PRPH2: variants seen among roughly 807,000 people sequenced by gnomAD.
PRPH2 encodes peripherin 2.
Under a neutral mutation model 31.3 loss-of-function variants are expected in PRPH2, and 17 were observed. The observed-to-expected ratio is 0.54, with a 90% confidence interval of 0.37 to 0.81. The LOEUF (loss-of-function observed/expected upper bound fraction) is 0.81, where lower values mean the gene tolerates loss of function less well. Among genes scored for constraint, PRPH2 ranks in the 40% least tolerant of loss-of-function variants. The pLI is 0.00. For synonymous variants in PRPH2, 165 were observed against 184.4 expected, an observed-to-expected ratio of 0.89 and a Z score of 0.85; for missense variants, 430 against 439.7, an observed-to-expected ratio of 0.98 and a Z score of 0.20.
intron 1 of PRPH2, among the ~76,000 whole-genome samples, chr6:42,717,093 C>T (rs909085023): frequency 3.4e-5 from 5 of 146,662 alleles, no homozygotes; most frequent in Non-Finnish European, 7.5e-5. Context: ...AAGCATGAGC[C>T]CGCACCTGGC....
chr6:42,700,289 G>A (rs572202759), intron 2 of PRPH2, among the ~76,000 whole-genome samples: 14 of 152,210 alleles, frequency 9.2e-5, no homozygotes, highest in South Asian at 2.1e-4. Flanking sequence ...AATATATTCC[G>A]TATATTCCGT....
chr6:42,702,620 T>C (rs1800067391), intron 2 of PRPH2, among the ~76,000 whole-genome samples: 1 of 151,990 alleles, frequency 6.6e-6, no homozygotes, highest in African/African-American at 2.4e-5. Flanking sequence ...TCCCAGCACT[T>C]TGGGAGGCCG....
At chr6:42,717,693 T>C (rs566820481) in intron 1 of PRPH2, among the ~76,000 whole-genome samples, 2 of 152,122 alleles carry the variant, frequency 1.3e-5, no homozygotes, top group East Asian at 3.9e-4. Context: ...TCCTTGGAGG[T>C]GGGAGTAAAT....
intron 1 of PRPH2, among the ~76,000 whole-genome samples, chr6:42,708,174 A>T (rs1800204894): frequency 6.6e-6 from 1 of 152,184 alleles, no homozygotes; most frequent in Non-Finnish European, 1.5e-5. Context: ...GCCATATCAT[A>T]TCATGGGAGA....
chr6:42,710,210 G>T (rs1422200367), intron 1 of PRPH2, among the ~76,000 whole-genome samples: 2 of 151,786 alleles, frequency 1.3e-5, no homozygotes, highest in Non-Finnish European at 2.9e-5. Flanking sequence ...TCAGACTGGG[G>T]TTCCCTGAGG....
rs61755795 is a variant in PRPH2, at chr6:42,721,802, T to G, written c.533A>C (p.Gln178Pro). The change falls in exon 1 of 3, where the codon CAG becomes CCG. Residue 178 changes from glutamine to proline, a missense_variant. Coordinates refer to ENST00000230381, the MANE Select transcript of PRPH2 (RefSeq NM_000322.5). ...GTCCAGGTAGCGATTGCTGATCCACTGAATCTCAAACCAGTCCCGAAAACC... is the reference window on the plus strand; with the variant it reads ...GTCCAGGTAGCGATTGCTGATCCACGGAATCTCAAACCAGTCCCGAAAACC... ...NNGFRDWFEIQWISNRYLDFS... is the reference protein window; with the variant it reads ...NNGFRDWFEIPWISNRYLDFS... The G allele has an allele frequency of 6.2e-7, 1 of 1,614,196 alleles. No homozygotes were observed. Among genetic ancestry groups the G allele is most frequent in the African/African-American group, 1.3e-5 (1 of 75,040 alleles).
chr6:42,716,521 A>C (rs1342798122), intron 1 of PRPH2, among the ~76,000 whole-genome samples: 1 of 149,924 alleles, frequency 6.7e-6, no homozygotes, highest in Non-Finnish European at 1.5e-5. Flanking sequence ...GGCTCAACGG[A>C]TTCTCCCACC....
rs903826110 is a variant in PRPH2, at chr6:42,698,335, G to A, written c.1001C>T (p.Ala334Val). 1.9e-6 allele frequency: 3 copies of A among 1,613,784 alleles called. No individual in the cohort carries two copies. The African/African-American group carries it at 4.0e-5, about 22-fold the overall frequency. ...KKLGKGNQVE[A>V]EGADAGQAPE... ...GGCCTGGCCTGCGTCTGCGCCCTCGGCTTCCACCTGGTTGCCCTTGCCCAG... is the reference window on the plus strand; with the variant it reads ...GGCCTGGCCTGCGTCTGCGCCCTCGACTTCCACCTGGTTGCCCTTGCCCAG... Residue 334 changes from alanine (A) to valine (V), a missense_variant, in exon 3 of 3, where the codon GCC (alanine) becomes GTC (valine). Transcript: ENST00000230381.
At chr6:42,714,189 G>A (rs541160592) in intron 1 of PRPH2, among the ~76,000 whole-genome samples, 6 of 152,226 alleles carry the variant, frequency 3.9e-5, no homozygotes, top group East Asian at 3.9e-4. Context: ...TCTGATATAC[G>A]CTACAACATG....
Position 42,722,154 on chromosome 6 carries a change from G to A in PRPH2, c.181C>T (p.Pro61Ser). 6.2e-7 allele frequency: 1 copy of A among 1,614,134 alleles called. No individual in the cohort carries two copies. Among genetic ancestry groups the A allele is most frequent in the East Asian group, 2.2e-5 (1 of 44,886 alleles). ...ACCCCCATCCCTATCAATGAGTTGG[G>A]CACAAAATGGCTCTCAGAATTATTC... ...VMNNSESHFV[P>S]NSLIGMGVLS... The change falls in exon 1 of 3, where the codon CCC becomes TCC. Residue 61 changes from proline (P) to serine (S), a missense_variant. Transcript: ENST00000230381. The surrounding 1 kb of genome is among the most constrained non-coding windows in gnomAD (Gnocchi z 4.4).
chr6:42,698,425 T>G lies in PRPH2; in HGVS notation c.911A>C (p.Gln304Pro), dbSNP rs750796514. Residue 304 changes from glutamine (Q) to proline (P), a missense_variant, in exon 3 of 3, where the codon CAG (glutamine) becomes CCG (proline). Gln to Pro is a moderately conservative substitution (Grantham distance 76). Coordinates refer to ENST00000230381, the MANE Select transcript of PRPH2 (RefSeq NM_000322.5). ...SNPEESESES[Q>P]GWLLERSVPE... ...CACGCTCCTCTCCAGCAGCCAGCCCTGGCTCTCGCTCTCAGATTCCTCGGG... is the reference window on the plus strand; with the variant it reads ...CACGCTCCTCTCCAGCAGCCAGCCCGGGCTCTCGCTCTCAGATTCCTCGGG... The G allele has an allele frequency of 1.9e-6, 3 of 1,611,956 alleles. No homozygotes were observed. The African/African-American group carries it at 4.0e-5, about 22-fold the overall frequency.
Position 42,722,525 on chromosome 6 carries a change from G to C in PRPH2, c.-191C>G, listed in dbSNP as rs1761926255. 6 of 1,461,094 alleles carry C rather than the reference G, an allele frequency of 4.1e-6. No individual in the cohort carries two copies. Among genetic ancestry groups the C allele is most frequent in the Non-Finnish European group, 2.7e-6 (3 of 1,111,716 alleles). 90.5% of individuals were successfully genotyped at this position (1,461,094 alleles called of 1,614,324 possible). A position where few individuals can be genotyped will look rare whatever the true frequency, so the allele number is the denominator to read the frequency against. ...CCGTGAATGCAGTAGTGGTGGCAGGGGTCTCGGAATCACAGCTTGAGCAGG... is the reference window on the plus strand; with the variant it reads ...CCGTGAATGCAGTAGTGGTGGCAGGCGTCTCGGAATCACAGCTTGAGCAGG... On this transcript the variant is annotated 5_prime_UTR_variant, in exon 1 of 3. Transcript: ENST00000230381. The surrounding 1 kb of genome is among the most constrained non-coding windows in gnomAD (Gnocchi z 4.4).
chr6:42,707,932 T>A (rs1344771392), intron 1 of PRPH2, among the ~76,000 whole-genome samples: 1 of 152,202 alleles, frequency 6.6e-6, no homozygotes, highest in Non-Finnish European at 1.5e-5. Context: ...GCTCCATCCC[T>A]CTGGACAAGT....
intron 1 of PRPH2, among the ~76,000 whole-genome samples, chr6:42,705,617 T>C (rs1369576422): frequency 8.3e-6 from 1 of 121,108 alleles, no homozygotes; most frequent in Non-Finnish European, 1.7e-5. Context: ...TATATATATA[T>C]ATATATATAT....
rs2152003516 is a variant in PRPH2, at chr6:42,697,440, ATGTCTGATTGTTGCTCCTCT to A, written c.*835_*854del. The A allele has an allele frequency of 6.6e-6, 1 of 152,228 alleles. No individual in the cohort carries two copies. The highest frequency in any genetic ancestry group is 2.4e-5 in the African/African-American group (1 of 41,454). The allele number at this position is 152,228 out of a possible 1,614,324, so 9.4% of individuals were successfully genotyped here. A position where few individuals can be genotyped will look rare whatever the true frequency, so the allele number is the denominator to read the frequency against. On this transcript the variant is annotated 3_prime_UTR_variant, in exon 3 of 3. Transcript: ENST00000230381. ...GGCCTGGTCTCCAAAGGGTGGACTC[ATGTCTGATTGTTGCTCCTCT>A]TCCACAGCAGGGCAGCAGCCTACCC...
intron 1 of PRPH2, among the ~76,000 whole-genome samples, chr6:42,719,886 T>C (rs1761866137): frequency 6.6e-6 from 1 of 152,182 alleles, no homozygotes; most frequent in African/African-American, 2.4e-5. Context: ...GTCTTTATAC[T>C]ATCATTACAC....
intron 1 of PRPH2, among the ~76,000 whole-genome samples, chr6:42,718,928 G>A (rs1028164211): frequency 1.3e-5 from 2 of 152,028 alleles, no homozygotes; most frequent in Non-Finnish European, 2.9e-5. Context: ...GCCTCCCAAA[G>A]AGCTGGGATT....
chr6:42,712,042 C>T, intron 1 of PRPH2: 1 of 891,504 alleles, frequency 1.1e-6, no homozygotes, highest in South Asian at 5.2e-5. Flanking sequence ...CTTGCCACAA[C>T]TGAGCCTGAT....
intron 1 of PRPH2, among the ~76,000 whole-genome samples, chr6:42,716,646 G>A (rs1477634666): frequency 8.1e-6 from 1 of 123,048 alleles, no homozygotes; most frequent in Non-Finnish European, 1.6e-5. Flanking sequence ...TTGAGATGAA[G>A]TTTCGCTCTT....
Sources: allele counts gnomAD v4.1 joint callset (sites outside exome capture counted in the v4.1 genomes callset), GRCh38; gene constraint gnomAD v4.1.1; non-coding constraint Gnocchi (gnomAD v3.1); transcripts MANE v1.5; gene names NCBI Gene and HGNC (gene_info 2026-07-23, HGNC 2026-07-21).